The following ME1 variants were observed in gnomAD, a reference collection of about 807,000 sequenced individuals.
ME1 encodes NADP-dependent malic enzyme.
ME1 carries 74 observed loss-of-function variants against 66.4 expected under a neutral mutation model. That is an observed-to-expected ratio of 1.11 (90% confidence interval 0.92 to 1.35). ME1 has a LOEUF of 1.35. Among genes scored for constraint, ME1 ranks in the 40% most tolerant of loss-of-function variants. The pLI is 0.00. For missense variants in ME1, 750 were observed against 694.1 expected, an observed-to-expected ratio of 1.08 and a Z score of -0.90; for synonymous variants, 251 against 235.6, an observed-to-expected ratio of 1.07 and a Z score of -0.60.
At chr6:83,279,006 C>G (rs73749779) in intron 6 of ME1, among the ~76,000 whole-genome samples, 8,675 of 152,172 alleles carry the variant, frequency 0.057, 450 homozygotes, top group African/African-American at 0.13. Context: ...CCTTCCCCCC[C>G]AACCCTATCA....
At chr6:83,308,120 T>G (rs1767859361) in intron 6 of ME1, among the ~76,000 whole-genome samples, 1 of 152,136 alleles carries the variant, frequency 6.6e-6, no homozygotes, top group South Asian at 2.1e-4. Flanking sequence ...AGACTAAGAT[T>G]ATTTCTCTTA....
chr6:83,428,412 A>G (rs1770414063), intron 1 of ME1, among the ~76,000 whole-genome samples: 1 of 152,210 alleles, frequency 6.6e-6, no homozygotes, highest in South Asian at 2.1e-4. Context: ...AGAATGAACT[A>G]TATCAATGGA....
At chr6:83,213,762 G>A (rs1474600376) in intron 13 of ME1, among the ~76,000 whole-genome samples, 1 of 152,108 alleles carries the variant, frequency 6.6e-6, no homozygotes, top group Admixed American at 6.6e-5. Context: ...TCATCTCAAT[G>A]TAAAACTATG....
At chr6:83,398,280 A>C in intron 3 of ME1, 87 bp downstream of exon 3, 1 of 916,172 alleles carries the variant, frequency 1.1e-6, no homozygotes, top group Non-Finnish European at 1.6e-6. Flanking sequence ...TCAAATTTAA[A>C]ATAATAATAA....
In ME1 at chr6:83,344,115, A is replaced by C. The variant is rs114121930; in HGVS notation, c.600+2058T>G. 8.9e-3 allele frequency among the ~76,000 whole-genome samples: 1,355 copies of C among 151,942 alleles called. 12 individuals carry two copies. Among genetic ancestry groups the C allele is most frequent in the African/African-American group, 0.032 (1,305 of 41,422 alleles). On this transcript the variant is annotated intron_variant, in intron 5 of 13. Coordinates refer to ENST00000369705, the MANE Select transcript of ME1 (RefSeq NM_002395.6). Reference sequence around the variant, plus strand: ...TACATAGCAAGACCCCGTCTAAAAAAAAAAAAAAAGGTTAAAAAAAATTAG... The same window carrying C: ...TACATAGCAAGACCCCGTCTAAAAACAAAAAAAAAGGTTAAAAAAAATTAG...
chr6:83,327,420 GA>G (rs771529496), intron 5 of ME1, among the ~76,000 whole-genome samples: 59 of 152,286 alleles, frequency 3.9e-4, no homozygotes, highest in South Asian at 8.3e-4. Flanking sequence ...ATATCCCTGA[GA>G]AAGAGAATGC....
chr6:83,405,232 A>C lies in ME1; in HGVS notation c.212+2536T>G, dbSNP rs549421859. Among the ~76,000 whole-genome samples, 7 of 152,216 alleles carry C rather than the reference A, an allele frequency of 4.6e-5. No homozygotes were observed. In the East Asian group the frequency reaches 1.4e-3, roughly 29 times the overall value. On this transcript the variant is annotated intron_variant, in intron 2 of 13. Transcript: ENST00000369705. The stretch of plus-strand genomic sequence containing the variant: ...GAAGAGGTCCTTCACATCCCTTGTT[A>C]GTTGTATTCCCGGGTATTTTATTCT...
intron 11 of ME1, among the ~76,000 whole-genome samples, chr6:83,224,599 G>A (rs546114162): frequency 1.1e-4 from 16 of 149,732 alleles, no homozygotes; most frequent in African/African-American, 3.9e-4. Flanking sequence ...CAGGAGAATC[G>A]CTTGAACTCA....
intron 6 of ME1, among the ~76,000 whole-genome samples, chr6:83,285,690 C>G (rs1767383843): frequency 6.6e-6 from 1 of 152,108 alleles, no homozygotes; most frequent in Non-Finnish European, 1.5e-5. Flanking sequence ...AAAGCAAAGA[C>G]CCTGAGGTGG....
At chr6:83,374,120 A>C (rs1216975687) in intron 3 of ME1, among the ~76,000 whole-genome samples, 2 of 152,192 alleles carry the variant, frequency 1.3e-5, no homozygotes, top group African/African-American at 4.8e-5. Flanking sequence ...TATATCCAGA[A>C]AAGGGATTGC....
intron 6 of ME1, among the ~76,000 whole-genome samples, chr6:83,258,717 G>A (rs536190882): frequency 6.6e-6 from 1 of 152,214 alleles, no homozygotes; most frequent in South Asian, 2.1e-4. Context: ...ACCCAGTGAA[G>A]AATGTATTAT....
chr6:83,316,364 T>G (rs1768029293), intron 5 of ME1, among the ~76,000 whole-genome samples: 1 of 152,146 alleles, frequency 6.6e-6, no homozygotes, highest in Non-Finnish European at 1.5e-5. Flanking sequence ...ATAATTTAAA[T>G]ATAACATACC....
intron 3 of ME1, among the ~76,000 whole-genome samples, chr6:83,357,933 CTCTATATATATATATA>C (rs1441729431): frequency 1.1e-4 from 5 of 44,962 alleles, no homozygotes; most frequent in East Asian, 1.5e-3. Context: ...CTCTCTCTCT[CTCTATATATATATATA>C]TATATATATA....
chr6:83,323,761 A>C (rs1441735577), intron 5 of ME1, among the ~76,000 whole-genome samples: 1 of 152,138 alleles, frequency 6.6e-6, no homozygotes, highest in Non-Finnish European at 1.5e-5. Context: ...CCCCACTGGC[A>C]ATATTAGGCA....
rs191327020 is a variant in ME1 at position 83,394,178 on chromosome 6, T to G, written c.362+4189A>C. 2.4e-4 allele frequency among the ~76,000 whole-genome samples: 36 copies of G among 152,092 alleles called. No homozygotes were observed. In the East Asian group the frequency reaches 5.8e-3, roughly 24 times the overall value. The stretch of plus-strand genomic sequence containing the variant: ...CTCCTTTTCTTCAATGAAAAAAAAT[T>G]TAGTCATTGTTAATGTAACTATTAC... On this transcript the variant is annotated intron_variant, in intron 3 of 13. Coordinates refer to ENST00000369705, the MANE Select transcript of ME1 (RefSeq NM_002395.6).
At chr6:83,320,637 A>G (rs928192872) in intron 5 of ME1, among the ~76,000 whole-genome samples, 1 of 152,230 alleles carries the variant, frequency 6.6e-6, no homozygotes, top group Non-Finnish European at 1.5e-5. Context: ...TACTTTCTCC[A>G]TGTCTAGAAT....
At chr6:83,374,813 T>A (rs2128547655) in intron 3 of ME1, among the ~76,000 whole-genome samples, 1 of 152,348 alleles carries the variant, frequency 6.6e-6, no homozygotes, top group Non-Finnish European at 1.5e-5. Flanking sequence ...TTTCTGCATA[T>A]GGGTACCCAG....
chr6:83,294,737 G>A (rs1187570790), intron 6 of ME1, among the ~76,000 whole-genome samples: 5 of 152,058 alleles, frequency 3.3e-5, no homozygotes, highest in South Asian at 2.1e-4. Flanking sequence ...AGGAGGGGAG[G>A]CCAATCTGTC....
At chr6:83,229,090 C>T (rs1790252025) in intron 9 of ME1, 159 bp from the exon 10 acceptor site, 1 of 623,848 alleles carries the variant, frequency 1.6e-6, no homozygotes, top group African/African-American at 1.9e-5. Context: ...AATGTTATTT[C>T]ATTCATTCGT....
Sources: gnomAD v4.1 joint callset for allele counts (sites outside exome capture counted in the v4.1 genomes callset) on GRCh38, gnomAD v4.1.1 for gene constraint, MANE v1.5 for transcripts, NCBI Gene and HGNC (gene_info 2026-07-23, HGNC 2026-07-21) for gene names.